NUP160: variants seen among roughly 807,000 people sequenced by gnomAD.
NUP160 encodes nucleoporin 160.
Under a neutral mutation model 196.9 loss-of-function variants are expected in NUP160, and 94 were observed. The observed-to-expected ratio is 0.48, with a 90% CI of 0.40 to 0.57. NUP160 has a LOEUF of 0.57. Ranked by LOEUF, NUP160 falls within the 20% of genes least tolerant of loss-of-function variation. The pLI is 0.00. For synonymous variants in NUP160, 605 were observed against 619.7 expected, an observed-to-expected ratio of 0.98 and a Z score of 0.35; for missense variants, 1,638 against 1,748.3, an observed-to-expected ratio of 0.94 and a Z score of 1.13.
At chr11:47,836,540 G>C (rs1159700862) in intron 6 of NUP160, among the ~76,000 whole-genome samples, 5 of 152,068 alleles carry the variant, frequency 3.3e-5, no homozygotes, top group Non-Finnish European at 7.4e-5. Context: ...TTGAGCCCGG[G>C]AGGCAGAGGC....
At chr11:47,825,011 A>C (rs918735369) in intron 7 of NUP160, among the ~76,000 whole-genome samples, 1 of 151,378 alleles carries the variant, frequency 6.6e-6, no homozygotes, top group Admixed American at 6.6e-5. Context: ...AAGTTTTTGT[A>C]TTTTTAGTAG....
chr11:47,808,254 CT>C lies in NUP160; in HGVS notation c.2375+141del, dbSNP rs575637877. The C allele has an allele frequency of 9.3e-5, 64 of 690,930 alleles. 1 individual carries two copies. In the South Asian group the frequency reaches 1.3e-3, roughly 14 times the overall value. The allele number at this position is 690,930 out of a possible 1,614,324, so 42.8% of individuals were successfully genotyped here. ...CGAGATCATGCCATTGCACTCCGGC[CT>C]GGGTGAGAGAGAGCGAGACTCTGTC... On this transcript the variant is annotated intron_variant, in intron 18 of 35. Transcript: ENST00000378460.
At chr11:47,833,279 C>T (rs1212958062) in intron 7 of NUP160, among the ~76,000 whole-genome samples, 3 of 151,672 alleles carry the variant, frequency 2.0e-5, no homozygotes, top group African/African-American at 4.8e-5. Context: ...CATGGTGAAA[C>T]CCCATCTCTA....
At chr11:47,797,073 C>T (rs911653083) in intron 27 of NUP160, among the ~76,000 whole-genome samples, 1 of 152,108 alleles carries the variant, frequency 6.6e-6, no homozygotes, top group African/African-American at 2.4e-5. Flanking sequence ...ACAGCTAATG[C>T]GGAATATCAT....
intron 31 of NUP160, among the ~76,000 whole-genome samples, 156 bp from the exon 32 acceptor site, chr11:47,786,710 A>G (rs1346869768): frequency 1.3e-5 from 2 of 152,206 alleles, no homozygotes; most frequent in Admixed American, 6.5e-5. Flanking sequence ...AAGTTACACA[A>G]CTGGATACCT....
chr11:47,835,704 G>A (rs768790760), exon 7 of NUP160: 17 of 1,605,162 alleles, frequency 1.1e-5, no homozygotes, highest in Non-Finnish European at 1.4e-5. Flanking sequence ...CCCATGGTGG[G>A]GGAATAAGCA....
Position 47,779,223 on chromosome 11 carries a change from A to G in NUP160, c.4222-29T>C, listed in dbSNP as rs769082143. The G allele has an allele frequency of 1.1e-5, 16 of 1,393,442 alleles. 1 individual carries two copies. The highest frequency in any genetic ancestry group is 7.1e-5 in the South Asian group (6 of 84,504). The allele number at this position is 1,393,442 out of a possible 1,614,324, so 86.3% of individuals were successfully genotyped here. A position where few individuals can be genotyped will look rare whatever the true frequency, so the allele number is the denominator to read the frequency against. On this transcript the variant is annotated intron_variant, in intron 35 of 35. Coordinates refer to ENST00000378460, the Ensembl canonical transcript of NUP160. ...TAAGAGAAAAGAAGGAAAACATTACATAACAGCTCAACAATGGAAAAATAT... is the reference window on the plus strand; with the variant it reads ...TAAGAGAAAAGAAGGAAAACATTACGTAACAGCTCAACAATGGAAAAATAT...
chr11:47,836,044 C>T (rs987953603), intron 6 of NUP160, among the ~76,000 whole-genome samples: 1 of 152,080 alleles, frequency 6.6e-6, no homozygotes, highest in Non-Finnish European at 1.5e-5. Context: ...GTCAGGAGTT[C>T]GAGACCAGCC....
In NUP160 at chr11:47,848,232, T is replaced by C. The variant is rs1251421378; in HGVS notation, c.189A>G (p.Thr63=). 4 of 1,614,012 alleles carry C rather than the reference T, an allele frequency of 2.5e-6. No individual in the cohort carries two copies. Among genetic ancestry groups the C allele is most frequent in the Non-Finnish European group, 3.4e-6 (4 of 1,180,014 alleles). The change falls in exon 1 of 36, where the codon ACA becomes ACG. Residue 63 remains threonine (T), a synonymous_variant. Transcript: ENST00000378460. The stretch of plus-strand genomic sequence containing the variant: ...CCATTTCCGTACCAATGCTGCAGAC[T>C]GTGAATTCCCGAAAGTGCCTCGGCC...
intron 13 of NUP160, among the ~76,000 whole-genome samples, chr11:47,814,510 T>C (rs12785833): frequency 0.28 from 41,615 of 149,150 alleles, 6,738 homozygotes; most frequent in Middle Eastern, 0.39. Flanking sequence ...CACTGGACTC[T>C]AGCCTGGGCG....
At chr11:47,782,548 C>T (rs1037614009) in intron 34 of NUP160, among the ~76,000 whole-genome samples, 62 of 151,414 alleles carry the variant, frequency 4.1e-4, no homozygotes, top group African/African-American at 1.4e-3. Flanking sequence ...AATCATCTAA[C>T]AGAAAGCCTA....
chr11:47,812,869 T>G lies in NUP160; in HGVS notation c.1952+13A>C. 6.3e-7 allele frequency: 1 copy of G among 1,594,528 alleles called. No homozygotes were observed. The highest frequency in any genetic ancestry group is 8.5e-7 in the Non-Finnish European group (1 of 1,173,764). ...TTCCATTAGGAAATGCACTTTACCC[T>G]AATTCTCCTTACACATCAATAGTGA... On this transcript the variant is annotated intron_variant, in intron 15 of 35. Coordinates refer to ENST00000378460, the Ensembl canonical transcript of NUP160.
intron 29 of NUP160, among the ~76,000 whole-genome samples, chr11:47,789,486 C>G (rs1190258422): frequency 6.6e-6 from 1 of 152,032 alleles, no homozygotes; most frequent in Non-Finnish European, 1.5e-5. Flanking sequence ...AAAAAAAAAG[C>G]TTGGAACTAA....
chr11:47,791,219 G>C (rs553108661), intron 29 of NUP160, among the ~76,000 whole-genome samples: 2 of 152,144 alleles, frequency 1.3e-5, no homozygotes, highest in Admixed American at 1.3e-4. Flanking sequence ...GGCAACCTCA[G>C]CTGCCGGCCT....
At chr11:47,831,031 C>T (rs1304774858) in intron 7 of NUP160, among the ~76,000 whole-genome samples, 2 of 152,102 alleles carry the variant, frequency 1.3e-5, no homozygotes, top group African/African-American at 2.4e-5. Flanking sequence ...GGCATGATGG[C>T]GTGAGCCTGT....
chr11:47,796,849 T>C (rs2097671155), intron 27 of NUP160, among the ~76,000 whole-genome samples: 1 of 152,188 alleles, frequency 6.6e-6, no homozygotes, highest in African/African-American at 2.4e-5. Context: ...TCCGCCACCA[T>C]GCCCGGCTAT....
Position 47,848,128 on chromosome 11 carries a change from G to T in NUP160, c.202+91C>A, listed in dbSNP as rs986021739. Reference sequence around the variant, plus strand: ...CGGGGCTAGAGGCATGTGGACTCAGGAGGATGAAACAGGGCGTCAGGGACC... The same window carrying T: ...CGGGGCTAGAGGCATGTGGACTCAGTAGGATGAAACAGGGCGTCAGGGACC... On this transcript the variant is annotated intron_variant, in intron 1 of 35. Transcript: ENST00000378460. The T allele has an allele frequency of 2.5e-5, 36 of 1,457,534 alleles. 1 individual carries two copies. In the Middle Eastern group the frequency reaches 5.2e-4, roughly 21 times the overall value. The allele number at this position is 1,457,534 out of a possible 1,614,324, so 90.3% of individuals were successfully genotyped here. A position where few individuals can be genotyped will look rare whatever the true frequency, so the allele number is the denominator to read the frequency against.
intron 10 of NUP160, among the ~76,000 whole-genome samples, chr11:47,818,960 T>C (rs930014685): frequency 6.6e-6 from 1 of 152,190 alleles, no homozygotes; most frequent in African/African-American, 2.4e-5. Flanking sequence ...TTTAATGTCA[T>C]TGTAATACTA....
At chr11:47,819,614 G>T (rs1039747813) in intron 9 of NUP160, among the ~76,000 whole-genome samples, 156 bp from the exon 10 acceptor site, 9 of 152,104 alleles carry the variant, frequency 5.9e-5, no homozygotes, top group African/African-American at 2.2e-4. Flanking sequence ...AAATAAGAAA[G>T]AAAGAAACAT....
Sources: allele counts gnomAD v4.1 joint callset (sites outside exome capture counted in the v4.1 genomes callset), GRCh38; gene constraint gnomAD v4.1.1; transcripts MANE v1.5; gene names NCBI Gene and HGNC (gene_info 2026-07-23, HGNC 2026-07-21).